JAKMIP2: variants seen among roughly 807,000 people sequenced by gnomAD.
JAKMIP2 encodes janus kinase and microtubule-interacting protein 2.
In JAKMIP2, 25 loss-of-function variants were observed where a neutral mutation model predicts 115.0. That is an observed-to-expected ratio of 0.22 (90% CI 0.16 to 0.30). The LOEUF (loss-of-function observed/expected upper bound fraction) is 0.30. JAKMIP2 is among the 10% of genes least tolerant of loss of function. The probability of loss-of-function intolerance (pLI) is 1.00; values close to 1 mark genes in which losing one functional copy is unlikely to be tolerated. For missense variants in JAKMIP2, 642 were observed against 957.6 expected (o/e 0.67, Z 4.35); for synonymous variants, 334 against 343.6 (o/e 0.97, Z 0.31).
intron 6 of JAKMIP2, 31 bp from the exon 7 acceptor site, chr5:147,644,229 A>G (rs1372087594): frequency 7.4e-6 from 11 of 1,493,252 alleles, no homozygotes; most frequent in Admixed American, 4.1e-5. Flanking sequence ...GTACAGGTGG[A>G]GACTTTAAAA....
chr5:147,659,830 T>C (rs1758870610), intron 3 of JAKMIP2, among the ~76,000 whole-genome samples: 1 of 152,172 alleles, frequency 6.6e-6, no homozygotes. Flanking sequence ...AATGTGGCAA[T>C]GGCAATATTT....
chr5:147,596,555 C>T (rs148200143), intron 21 of JAKMIP2, among the ~76,000 whole-genome samples: 129 of 152,224 alleles, frequency 8.5e-4, no homozygotes, highest in African/African-American at 3.0e-3. Flanking sequence ...CCCAAATCTG[C>T]TTTCATATTC....
chr5:147,703,014 G>A (rs1245182288), intron 1 of JAKMIP2, among the ~76,000 whole-genome samples: 2 of 152,124 alleles, frequency 1.3e-5, no homozygotes, highest in Admixed American at 6.6e-5. Flanking sequence ...CCAGGGAAAT[G>A]TTTTGACTTG....
intron 1 of JAKMIP2, among the ~76,000 whole-genome samples, chr5:147,678,784 C>A (rs1760106743): frequency 6.6e-6 from 1 of 151,690 alleles, no homozygotes; most frequent in Non-Finnish European, 1.5e-5. Flanking sequence ...TTATGTACTT[C>A]ATTTATGTAT....
intron 1 of JAKMIP2, among the ~76,000 whole-genome samples, chr5:147,736,162 T>G (rs1244131110): frequency 1.3e-5 from 2 of 152,028 alleles, no homozygotes; most frequent in African/African-American, 4.8e-5. Context: ...TAATTAAAAT[T>G]AAAAATTTGG....
intron 1 of JAKMIP2, among the ~76,000 whole-genome samples, chr5:147,686,095 C>T (rs1580780657): frequency 6.6e-6 from 1 of 152,188 alleles, no homozygotes; most frequent in East Asian, 1.9e-4. Flanking sequence ...ACATAGGGAC[C>T]TTGTTCCTAA....
chr5:147,614,609 C>A (rs1403920887), intron 19 of JAKMIP2, among the ~76,000 whole-genome samples: 1 of 152,198 alleles, frequency 6.6e-6, no homozygotes, highest in Admixed American at 6.5e-5. Context: ...CCATCAATAG[C>A]AGCCATTGTG....
At chr5:147,611,094 AC>A (rs1238249020) in intron 20 of JAKMIP2, among the ~76,000 whole-genome samples, 2 of 151,892 alleles carry the variant, frequency 1.3e-5, no homozygotes, top group Admixed American at 1.3e-4. Context: ...TAGAATTTCA[AC>A]CCAGTGGGTC....
chr5:147,627,678 TAAAAAAA>T lies in JAKMIP2; in HGVS notation c.1995+1066_1995+1072del, dbSNP rs768481105. Among the ~76,000 whole-genome samples, 26 of 70,326 alleles carry T rather than the reference TAAAAAAA, an allele frequency of 3.7e-4. No homozygotes were observed. In the East Asian group the frequency reaches 6.3e-3, roughly 17 times the overall value. 46.1% of individuals were successfully genotyped at this position (70,326 alleles called of 152,430 possible). A position where few individuals can be genotyped will look rare whatever the true frequency, so the allele number is the denominator to read the frequency against. Reference sequence around the variant, plus strand: ...ATCTCTAACAGATAAAGCCTTTCTGTAAAAAAAAAAAAAAAAAAAAAAAAAACCCACA... The same window carrying T: ...ATCTCTAACAGATAAAGCCTTTCTGTAAAAAAAAAAAAAAAAAAACCCACA... On this transcript the variant is annotated intron_variant, in intron 16 of 21. Transcript: ENST00000616793.
chr5:147,771,247 T>A (rs571254696), intron 1 of JAKMIP2, among the ~76,000 whole-genome samples: 1 of 152,232 alleles, frequency 6.6e-6, no homozygotes, highest in Admixed American at 6.5e-5. Flanking sequence ...CAGTCATTAG[T>A]TGGATGATCT....
rs7713571 is a variant in JAKMIP2 at position 147,594,665 on chromosome 5, G to A, written c.*21-2979C>T. Among the ~76,000 whole-genome samples, 20 of 152,170 alleles carry A rather than the reference G, an allele frequency of 1.3e-4. No individual in the cohort carries two copies. In the East Asian group the frequency reaches 2.7e-3, roughly 21 times the overall value. On this transcript the variant is annotated intron_variant, in intron 21 of 21. Coordinates refer to ENST00000616793, the MANE Select transcript of JAKMIP2 (RefSeq NM_001270941.2). Reference sequence around the variant, plus strand: ...CTCCAAGTCTTGAGTACGGTGATGTGGCTTCTGACTTGTGGTTGTAGCATC... The same window carrying A: ...CTCCAAGTCTTGAGTACGGTGATGTAGCTTCTGACTTGTGGTTGTAGCATC...
chr5:147,743,026 A>G (rs972124885), intron 1 of JAKMIP2, among the ~76,000 whole-genome samples: 1 of 152,198 alleles, frequency 6.6e-6, no homozygotes, highest in Admixed American at 6.6e-5. Flanking sequence ...CCTGTGAGAA[A>G]CTTTCCAAAT....
chr5:147,686,133 C>T (rs539642183), intron 1 of JAKMIP2, among the ~76,000 whole-genome samples: 1 of 152,262 alleles, frequency 6.6e-6, no homozygotes, highest in East Asian at 1.9e-4. Flanking sequence ...TCTAAAGTGC[C>T]TCTCCTCTTC....
intron 17 of JAKMIP2, among the ~76,000 whole-genome samples, chr5:147,623,392 G>A (rs759811971): frequency 5.3e-5 from 8 of 151,974 alleles, no homozygotes; most frequent in East Asian, 1.9e-4. Context: ...AATTTTCTTC[G>A]GCATTAGTTT....
At position 147,620,646 on chromosome 5, in the gene JAKMIP2, C is replaced by G; in HGVS notation, c.2142+20G>C. ...ATAACTGTAAATACTGCGGGTGTCT[C>G]TATCACTTGTTGTACCTACCATATA... On this transcript the variant is annotated intron_variant, in intron 18 of 21. Transcript: ENST00000616793. 1.3e-6 allele frequency: 2 copies of G among 1,575,274 alleles called. No homozygotes were observed. Among genetic ancestry groups the G allele is most frequent in the Non-Finnish European group, 1.7e-6 (2 of 1,145,102 alleles).
At chr5:147,752,632 G>A (rs1039178324) in intron 1 of JAKMIP2, among the ~76,000 whole-genome samples, 2 of 152,156 alleles carry the variant, frequency 1.3e-5, no homozygotes, top group Non-Finnish European at 2.9e-5. Context: ...ATGGCAGCAG[G>A]AGGCTGTGCA....
chr5:147,782,475 G>A lies in JAKMIP2; in HGVS notation c.-168C>T. On this transcript the variant is annotated 5_prime_UTR_variant, in exon 1 of 22. Transcript: ENST00000616793. ...ACTCACCATGCTGAGACCCGGAGAA[G>A]CTGTTTAAAGGAGGGAGAGATGCAA... is the stretch of plus-strand genomic sequence containing the variant. 6.5e-7 allele frequency: 1 copy of A among 1,535,956 alleles called. No individual in the cohort carries two copies. The highest frequency in any genetic ancestry group is 8.7e-7 in the Non-Finnish European group (1 of 1,146,778).
At chr5:147,690,538 ATTATAT>A (rs1166137366) in intron 1 of JAKMIP2, among the ~76,000 whole-genome samples, 1 of 96,424 alleles carries the variant, frequency 1.0e-5, no homozygotes, top group Non-Finnish European at 2.1e-5. Context: ...AACTAAAGAG[ATTATAT>A]ATATATATAT....
intron 9 of JAKMIP2, among the ~76,000 whole-genome samples, chr5:147,640,212 A>T (rs192126804): frequency 1.0e-3 from 153 of 152,312 alleles, no homozygotes; most frequent in African/African-American, 3.4e-3. Context: ...AAACTTCAGG[A>T]CATAACATAA....
Sources: allele counts gnomAD v4.1 joint callset (sites outside exome capture counted in the v4.1 genomes callset), GRCh38; gene constraint gnomAD v4.1.1; transcripts MANE v1.5; gene names NCBI Gene and HGNC (gene_info 2026-07-23, HGNC 2026-07-21).